Variants in CADPS2 observed in about 807,000 individuals in gnomAD.
CADPS2 encodes calcium dependent secretion activator 2, also known as calcium-dependent secretion activator 2.
CADPS2 carries 93 observed loss-of-function variants against 172.5 expected under a neutral mutation model. The ratio of observed to expected loss-of-function variants is 0.54; its 90% confidence interval spans 0.46 to 0.64. The LOEUF is 0.64. CADPS2 is among the 30% of genes least tolerant of loss of function. The pLI, the probability that CADPS2 is intolerant of heterozygous loss-of-function variation, is 0.00. For synonymous variants in CADPS2, 546 were observed against 555.2 expected, an observed-to-expected ratio of 0.98 and a Z score of 0.23; for missense variants, 1,420 against 1,565.9, an observed-to-expected ratio of 0.91 and a Z score of 1.57.
At chr7:122,358,155 G>A (rs2151104848) in intron 27 of CADPS2, among the ~76,000 whole-genome samples, 1 of 152,190 alleles carries the variant, frequency 6.6e-6, no homozygotes, top group South Asian at 2.1e-4. Context: ...GTTTGTTTTT[G>A]GATTTTGGCC....
chr7:122,886,185 G>A lies in CADPS2; in HGVS notation c.153C>T (p.Gly51=). Residue 51 remains glycine (G), a synonymous_variant, in exon 1 of 30, where the codon GGC becomes GGT. Transcript: ENST00000449022. ...RRDAPGRAGG[G]GAARSVSPSP... is the part of the protein sequence containing the mutation. The stretch of plus-strand genomic sequence containing the variant: ...TCGGGCTCACAGATCTGGCCGCGCC[G>A]CCGCCGCCCGCGCGCCCCGGCGCGT... The A allele has an allele frequency of 2.7e-6, 4 of 1,469,820 alleles. No homozygotes were observed. Among genetic ancestry groups the A allele is most frequent in the Admixed American group, 2.9e-5 (1 of 34,148 alleles). The allele number at this position is 1,469,820 out of a possible 1,614,324, so 91.0% of individuals were successfully genotyped here.
chr7:122,781,293 C>T (rs1437973405), intron 1 of CADPS2, among the ~76,000 whole-genome samples: 3 of 152,114 alleles, frequency 2.0e-5, no homozygotes, highest in Admixed American at 6.5e-5. Context: ...AAATACTTTG[C>T]CATCTACATT....
chr7:122,355,828 T>G (rs1302847526), intron 27 of CADPS2, among the ~76,000 whole-genome samples: 1 of 152,132 alleles, frequency 6.6e-6, no homozygotes, highest in Non-Finnish European at 1.5e-5. Context: ...GCCACTTAAG[T>G]AATGCCCAAG....
At chr7:122,661,762 C>T (rs2080562639) in intron 3 of CADPS2, among the ~76,000 whole-genome samples, 2 of 152,118 alleles carry the variant, frequency 1.3e-5, no homozygotes, top group Admixed American at 1.3e-4. Context: ...TCCCTAATAC[C>T]TACAGAGGTT....
intron 8 of CADPS2, among the ~76,000 whole-genome samples, chr7:122,541,904 T>TA (rs2063132843): frequency 4.1e-5 from 6 of 146,842 alleles, no homozygotes; most frequent in Admixed American, 2.8e-4. Context: ...TATTTATATA[T>TA]TCATATATAT....
intron 6 of CADPS2, among the ~76,000 whole-genome samples, chr7:122,605,659 TTC>T (rs2073426733): frequency 6.6e-6 from 1 of 152,154 alleles, no homozygotes; most frequent in South Asian, 2.1e-4. Flanking sequence ...TATATATTTT[TTC>T]TCTGATCTTA....
intron 1 of CADPS2, among the ~76,000 whole-genome samples, chr7:122,879,705 A>G (rs1448071281): frequency 6.6e-6 from 1 of 152,168 alleles, no homozygotes; most frequent in Non-Finnish European, 1.5e-5. Context: ...TGCCCCAGTA[A>G]TATTTTCATT....
chr7:122,702,858 A>C, intron 2 of CADPS2: 1 of 763,376 alleles, frequency 1.3e-6, no homozygotes, highest in Non-Finnish European at 2.1e-6. Context: ...AAGCACATAA[A>C]TGGAAAAGGT....
At chr7:122,880,420 G>A (rs1253759581) in intron 1 of CADPS2, among the ~76,000 whole-genome samples, 1 of 152,080 alleles carries the variant, frequency 6.6e-6, no homozygotes, top group East Asian at 1.9e-4. Flanking sequence ...ACAAACTCTA[G>A]AATATTATTT....
chr7:122,474,860 G>A (rs1294719095), intron 12 of CADPS2, among the ~76,000 whole-genome samples: 2 of 152,102 alleles, frequency 1.3e-5, no homozygotes, highest in Non-Finnish European at 2.9e-5. Flanking sequence ...AAAGAACGAA[G>A]ATCTATTCAT....
chr7:122,579,450 AATATAT>A (rs3034498), intron 7 of CADPS2, among the ~76,000 whole-genome samples: 33,837 of 128,562 alleles, frequency 0.26, 4,684 homozygotes, highest in Middle Eastern at 0.33. Flanking sequence ...AATTGCATCG[AATATAT>A]ATATATATAT....
intron 6 of CADPS2, among the ~76,000 whole-genome samples, chr7:122,584,120 T>C (rs1322765882): frequency 6.6e-6 from 1 of 151,846 alleles, no homozygotes; most frequent in African/African-American, 2.4e-5. Context: ...TCTCCATGTT[T>C]GGTTTTATTG....
chr7:122,699,124 T>C (rs1008269834), intron 2 of CADPS2: 10 of 531,374 alleles, frequency 1.9e-5, no homozygotes, highest in Middle Eastern at 4.9e-4. Context: ...GATTGAAAAA[T>C]AAATCCCCTA....
At chr7:122,460,595 T>C (rs1045550591) in intron 14 of CADPS2, among the ~76,000 whole-genome samples, 4 of 152,026 alleles carry the variant, frequency 2.6e-5, no homozygotes, top group African/African-American at 9.7e-5. Flanking sequence ...TATAAATGTT[T>C]ATTACAAAAA....
At chr7:122,435,606 G>A (rs1369148105) in intron 17 of CADPS2, among the ~76,000 whole-genome samples, 1 of 152,106 alleles carries the variant, frequency 6.6e-6, no homozygotes, top group African/African-American at 2.4e-5. Flanking sequence ...ATGAAAAATA[G>A]TATGGAGGCT....
intron 2 of CADPS2, among the ~76,000 whole-genome samples, chr7:122,704,015 A>G (rs2086587520): frequency 6.6e-6 from 1 of 152,112 alleles, no homozygotes; most frequent in Admixed American, 6.6e-5. Context: ...AATTGGCAAC[A>G]CCCACTCAAA....
chr7:122,453,409 T>C (rs867782784), intron 14 of CADPS2, among the ~76,000 whole-genome samples: 7 of 152,288 alleles, frequency 4.6e-5, no homozygotes, highest in African/African-American at 1.7e-4. Flanking sequence ...AACCTATGAA[T>C]AATTATGCAT....
chr7:122,473,269 A>G (rs2152186849), intron 13 of CADPS2, among the ~76,000 whole-genome samples: 1 of 152,208 alleles, frequency 6.6e-6, no homozygotes, highest in South Asian at 2.1e-4. Flanking sequence ...CTGTTTCTGT[A>G]CCTTACTTCT....
At chr7:122,863,339 C>T (rs995133990) in intron 1 of CADPS2, among the ~76,000 whole-genome samples, 6 of 152,068 alleles carry the variant, frequency 3.9e-5, no homozygotes, top group Non-Finnish European at 8.8e-5. Context: ...TTTTTGCCTA[C>T]ATAATGTTTA....
Sources: allele counts gnomAD v4.1 joint callset (sites outside exome capture counted in the v4.1 genomes callset), GRCh38; gene constraint gnomAD v4.1.1; transcripts MANE v1.5; gene names NCBI Gene and HGNC (gene_info 2026-07-23, HGNC 2026-07-21).